Variants in UTP18 observed in about 807,000 individuals in gnomAD.
UTP18 encodes the protein U3 small nucleolar RNA-associated protein 18 homolog.
UTP18 carries 36 observed loss-of-function variants against 61.1 expected under a neutral mutation model. The observed-to-expected ratio is 0.59, with a 90% CI of 0.45 to 0.78. The LOEUF (loss-of-function observed/expected upper bound fraction) is 0.78. UTP18 is among the 30% of genes least tolerant of loss of function. The pLI, the probability that UTP18 is intolerant of heterozygous loss-of-function variation, is 0.00. For missense variants in UTP18, 753 were observed against 693.9 expected (o/e 1.09, Z -0.96); for synonymous variants, 282 against 251.1 (o/e 1.12, Z -1.16).
At chr17:51,269,840 TG>T (rs1904453917) in intron 4 of UTP18, among the ~76,000 whole-genome samples, 1 of 18,372 alleles carries the variant, frequency 5.4e-5, no homozygotes, top group Non-Finnish European at 1.9e-4. Context: ...AATAATGTAT[TG>T]TGTGTGTGTG....
At chr17:51,292,885 C>G (rs2144446642) in intron 11 of UTP18, among the ~76,000 whole-genome samples, 1 of 152,270 alleles carries the variant, frequency 6.6e-6, no homozygotes, top group South Asian at 2.1e-4. Context: ...AACAGTTTCA[C>G]TTGGAGTTAG....
chr17:51,261,775 C>G (rs929587740), intron 1 of UTP18, among the ~76,000 whole-genome samples: 15 of 152,052 alleles, frequency 9.9e-5, no homozygotes, highest in African/African-American at 3.6e-4. Context: ...GAAAGCTCAC[C>G]GAGAATTACC....
intron 11 of UTP18, among the ~76,000 whole-genome samples, chr17:51,291,738 CAAAA>C (rs373296052): frequency 1.0e-5 from 1 of 97,016 alleles, no homozygotes. Context: ...GACTTGATCT[CAAAA>C]AAAAAAAAAA....
intron 9 of UTP18, among the ~76,000 whole-genome samples, chr17:51,282,761 A>G (rs1904980356): frequency 1.3e-5 from 2 of 152,184 alleles, no homozygotes; most frequent in African/African-American, 4.8e-5. Context: ...AAAGCAGGGA[A>G]GGAGAAATCA....
intron 3 of UTP18, 134 bp downstream of exon 3, chr17:51,266,414 T>G: frequency 1.8e-6 from 1 of 558,626 alleles, no homozygotes; most frequent in Non-Finnish European, 2.8e-6. Context: ...GTGACTAAAT[T>G]TCTGTAGTTT....
In UTP18 at chr17:51,280,617, A is replaced by G; in HGVS notation, c.1204+138A>G. 4.1e-6 allele frequency: 3 copies of G among 732,478 alleles called. No individual in the cohort carries two copies. In the South Asian group the frequency reaches 5.5e-5, roughly 13 times the overall value. The allele number at this position is 732,478 out of a possible 1,614,324, so 45.4% of individuals were successfully genotyped here. ...TCACTTGAGGTCAGCGGGTAAGATCAGCCTGGCCAACATGGTAAAACTCCG... is the reference window on the plus strand; with the variant it reads ...TCACTTGAGGTCAGCGGGTAAGATCGGCCTGGCCAACATGGTAAAACTCCG... On this transcript the variant is annotated intron_variant, in intron 9 of 13. Coordinates refer to ENST00000225298, the MANE Select transcript of UTP18 (RefSeq NM_016001.3).
chr17:51,288,354 G>T (rs921669700), intron 11 of UTP18, 151 bp downstream of exon 11: 7 of 838,814 alleles, frequency 8.3e-6, no homozygotes, highest in Non-Finnish European at 1.3e-5. Context: ...TTTGGATGTG[G>T]TTGTTGGAAG....
chr17:51,266,145 TAA>T (rs779574458), intron 2 of UTP18, 35 bp from the exon 3 acceptor site: 1 of 1,492,388 alleles, frequency 6.7e-7, no homozygotes, highest in South Asian at 1.3e-5. Context: ...ATTAACTCTT[TAA>T]AAGTTATTTA....
At position 51,266,251 on chromosome 17, in the gene UTP18, A is replaced by G. The variant is rs758293766; in HGVS notation, c.525A>G (p.Lys175=). 6.2e-7 allele frequency: 1 copy of G among 1,601,888 alleles called. No individual in the cohort carries two copies. The highest frequency in any genetic ancestry group is 8.5e-7 in the Non-Finnish European group (1 of 1,176,224). Residue 175 remains lysine (K), a synonymous_variant, in exon 3 of 14, where the codon AAA becomes AAG. Coordinates refer to ENST00000225298, the MANE Select transcript of UTP18 (RefSeq NM_016001.3). ...ATGCTAGTGAAAGTAAACTTTCGAA[A>G]GACAACCTTAAAAAGAGACTTAAAG... ...MKNASESKLS[K]DNLKKRLKEE...
rs1449411431 is a variant in UTP18, at chr17:51,283,855, G to C, written c.1205-1390G>C. Among the ~76,000 whole-genome samples the C allele has an allele frequency of 3.3e-5, 5 of 150,932 alleles. No individual in the cohort carries two copies. The East Asian group carries it at 9.9e-4, about 30-fold the overall frequency. On this transcript the variant is annotated intron_variant, in intron 9 of 13. Transcript: ENST00000225298. ...GTCTCGAACTCCTGGCCTCAAGTGA[G>C]CCACCTGCCTTGGCCTCCCAAAGTG... is the stretch of plus-strand genomic sequence containing the variant.
intron 3 of UTP18, among the ~76,000 whole-genome samples, chr17:51,267,402 AGT>A (rs71866950): frequency 0.066 from 10,006 of 151,530 alleles, 568 homozygotes; most frequent in African/African-American, 0.15. Flanking sequence ...GGTGGCATTT[AGT>A]ATATTTAGAA....
In UTP18 at chr17:51,260,940, C is replaced by T. The variant is rs1568260551; in HGVS notation, c.342+14C>T. The T allele has an allele frequency of 2.6e-6, 4 of 1,527,924 alleles. No homozygotes were observed. The highest frequency in any genetic ancestry group is 2.6e-6 in the Non-Finnish European group (3 of 1,141,202). 94.6% of individuals were successfully genotyped at this position (1,527,924 alleles called of 1,614,324 possible). A position where few individuals can be genotyped will look rare whatever the true frequency, so the allele number is the denominator to read the frequency against. ...CGAGGCCCGAGGGTGAGGGAGGCCG[C>T]GGCGCGCGGGCTGGGCGCACTCGGG... is the stretch of plus-strand genomic sequence containing the variant. On this transcript the variant is annotated intron_variant, in intron 1 of 13. Coordinates refer to ENST00000225298, the MANE Select transcript of UTP18 (RefSeq NM_016001.3).
At chr17:51,267,571 T>G (rs1904343565) in intron 3 of UTP18, among the ~76,000 whole-genome samples, 1 of 152,136 alleles carries the variant, frequency 6.6e-6, no homozygotes, top group Admixed American at 6.5e-5. Flanking sequence ...TTTCTTTGTG[T>G]TGTTTAACTT....
chr17:51,262,248 A>AT (rs1290030569), intron 1 of UTP18, among the ~76,000 whole-genome samples: 5 of 150,644 alleles, frequency 3.3e-5, no homozygotes, highest in African/African-American at 7.3e-5. Flanking sequence ...CGCCTGGCTA[A>AT]TTTTTTTTTG....
At chr17:51,263,720 G>T (rs187705672) in intron 2 of UTP18, among the ~76,000 whole-genome samples, 1 of 152,248 alleles carries the variant, frequency 6.6e-6, no homozygotes, top group Non-Finnish European at 1.5e-5. Context: ...TTTGTGAAAT[G>T]GGCACAATGA....
intron 10 of UTP18, chr17:51,286,443 T>C (rs1285588612): frequency 6.6e-6 from 3 of 455,764 alleles, no homozygotes; most frequent in Admixed American, 2.4e-5. Flanking sequence ...GTCCAGAAAC[T>C]TAGCATACTC....
intron 2 of UTP18, 101 bp downstream of exon 2, chr17:51,263,487 G>T: frequency 2.2e-6 from 2 of 908,060 alleles, no homozygotes; most frequent in South Asian, 1.7e-5. Context: ...ATTATGTGAA[G>T]ATTTGAAAAA....
chr17:51,285,505 G>A, intron 10 of UTP18, 137 bp downstream of exon 10: 1 of 1,046,894 alleles, frequency 9.6e-7, no homozygotes. Context: ...CAACCCAGCT[G>A]AGCTTTTTTC....
chr17:51,271,628 G>T (rs1567700250), intron 4 of UTP18, among the ~76,000 whole-genome samples: 1 of 151,898 alleles, frequency 6.6e-6, no homozygotes, highest in Non-Finnish European at 1.5e-5. Flanking sequence ...AGCTAATTTT[G>T]ATGTACTGTT....
Sources: allele counts gnomAD v4.1 joint callset (sites outside exome capture counted in the v4.1 genomes callset), GRCh38; gene constraint gnomAD v4.1.1; transcripts MANE v1.5; gene names NCBI Gene and HGNC (gene_info 2026-07-23, HGNC 2026-07-21).